The following JAK2 variants were observed in gnomAD, a reference collection of about 807,000 sequenced individuals.
JAK2 encodes the protein Janus kinase 2, also known as tyrosine-protein kinase JAK2.
A neutral mutation model predicts 139.3 loss-of-function variants in JAK2; 86 were observed. The ratio of observed to expected loss-of-function variants is 0.62; its 90% CI spans 0.52 to 0.74. The LOEUF (loss-of-function observed/expected upper bound fraction) is 0.74. Ranked by LOEUF, JAK2 falls within the 30% of genes least tolerant of loss-of-function variation. JAK2 has a pLI of 0.00. For missense variants in JAK2, 1,421 were observed against 1,360.3 expected (o/e 1.04, Z -0.70); for synonymous variants, 490 against 437.7 (o/e 1.12, Z -1.49).
chr9:5,090,457 C>G lies in JAK2; in HGVS notation c.2773C>G (p.Leu925Val). ...CTTTATGTTAAAAGGTCGGCGTAATCTAAAATTAATTATGGAATATTTACC... is the reference window on the plus strand; with the variant it reads ...CTTTATGTTAAAAGGTCGGCGTAATGTAAAATTAATTATGGAATATTTACC... ...GVCYSAGRRN[L>V]KLIMEYLPYG... The change falls in exon 21 of 25, where the codon CTA becomes GTA. Residue 925 changes from leucine (L) to valine (V), a missense_variant. Transcript: ENST00000381652. 2 of 1,559,948 alleles carry G rather than the reference C, an allele frequency of 1.3e-6. No individual in the cohort carries two copies. Among genetic ancestry groups the G allele is most frequent in the Non-Finnish European group, 1.7e-6 (2 of 1,151,394 alleles).
At chr9:5,095,933 T>G (rs1000540356) in intron 22 of JAK2, among the ~76,000 whole-genome samples, 1 of 152,154 alleles carries the variant, frequency 6.6e-6, no homozygotes, top group African/African-American at 2.4e-5. Context: ...TGAAACAAAT[T>G]AACATGATTA....
chr9:5,036,944 C>A (rs557994082), intron 4 of JAK2, among the ~76,000 whole-genome samples: 10 of 152,118 alleles, frequency 6.6e-5, no homozygotes, highest in African/African-American at 1.2e-4. Context: ...AATGGGAGAA[C>A]ATTTTTGTAA....
intron 22 of JAK2, among the ~76,000 whole-genome samples, chr9:5,105,289 T>A (rs1821861509): frequency 6.6e-6 from 1 of 152,152 alleles, no homozygotes; most frequent in African/African-American, 2.4e-5. Context: ...AGCCAAATCA[T>A]GAGTGAACTA....
rs1006741441 is a variant in JAK2 at position 5,041,242 on chromosome 9, G to A, written c.351-3161G>A. 6 of 1,464,506 alleles carry A rather than the reference G, an allele frequency of 4.1e-6. No homozygotes were observed. In the Admixed American group the frequency reaches 5.1e-5, roughly 13 times the overall value. 90.7% of individuals were successfully genotyped at this position (1,464,506 alleles called of 1,614,324 possible). ...TGGGGCGCCCGGGGACCAAGCGGCA[G>A]CACGCCATCCACATCATCGACCTCG... On this transcript the variant is annotated intron_variant, in intron 4 of 24. Coordinates refer to ENST00000381652, the MANE Select transcript of JAK2 (RefSeq NM_004972.4).
At position 5,127,323 on chromosome 9, in the gene JAK2, G is replaced by A. The variant is rs1179478078; in HGVS notation, c.*532G>A. 4.3e-6 allele frequency: 1 copy of A among 231,814 alleles called. No homozygotes were observed. Among genetic ancestry groups the A allele is most frequent in the Non-Finnish European group, 8.6e-6 (1 of 116,956 alleles). 14.4% of individuals were successfully genotyped at this position (231,814 alleles called of 1,614,324 possible). ...TTAAGATGTTCAGATAATTGAATAA[G>A]TACCTTTGTGTCCTTGTTCATTTAT... On this transcript the variant is annotated 3_prime_UTR_variant, in exon 25 of 25. Coordinates refer to ENST00000381652, the MANE Select transcript of JAK2 (RefSeq NM_004972.4).
At chr9:5,055,624 C>T in intron 7 of JAK2, 45 bp from the exon 8 acceptor site, 3 of 1,446,356 alleles carry the variant, frequency 2.1e-6, no homozygotes, top group South Asian at 1.2e-5. Flanking sequence ...TAAAATGGCT[C>T]TGTAAATTCT....
At chr9:5,094,402 A>T (rs1220274516) in intron 22 of JAK2, 2 of 152,154 alleles carry the variant, frequency 1.3e-5, no homozygotes, top group African/African-American at 4.8e-5. Flanking sequence ...AGCCACATCA[A>T]GCCTAGCAGT....
chr9:4,994,391 G>C (rs760792415), intron 2 of JAK2, among the ~76,000 whole-genome samples: 6 of 152,130 alleles, frequency 3.9e-5, no homozygotes, highest in Non-Finnish European at 7.4e-5. Context: ...ATTGCCGCTG[G>C]GCCCCACCCC....
At chr9:5,042,849 C>G (rs1816702534) in intron 4 of JAK2, among the ~76,000 whole-genome samples, 1 of 152,312 alleles carries the variant, frequency 6.6e-6, no homozygotes, top group Non-Finnish European at 1.5e-5. Flanking sequence ...AATGCTGCAC[C>G]AAAGCTCGGT....
chr9:5,126,145 G>C, intron 23 of JAK2, 188 bp from the exon 24 acceptor site: 2 of 482,818 alleles, frequency 4.1e-6, no homozygotes, highest in East Asian at 6.8e-5. Context: ...TATGGAAATG[G>C]AAATTATAGA....
intron 8 of JAK2, among the ~76,000 whole-genome samples, chr9:5,064,523 C>G: frequency 7.0e-6 from 1 of 143,368 alleles, no homozygotes; most frequent in South Asian, 2.2e-4. Flanking sequence ...GAGCAAGACT[C>G]TCAAAAAAAA....
chr9:5,126,641 C>A (rs1379526987), intron 24 of JAK2, 43 bp from the exon 25 acceptor site: 1 of 1,340,824 alleles, frequency 7.5e-7, no homozygotes, highest in Admixed American at 1.8e-5. Flanking sequence ...TAAAAGATGG[C>A]CCTTAGTGTT....
intron 2 of JAK2, among the ~76,000 whole-genome samples, chr9:5,002,117 T>C (rs905609511): frequency 6.6e-6 from 1 of 151,954 alleles, no homozygotes; most frequent in African/African-American, 2.4e-5. Flanking sequence ...TTAAATCTTT[T>C]CTAAAAACAA....
intron 22 of JAK2, chr9:5,107,960 CAAT>C (rs1233075806): frequency 6.6e-6 from 1 of 152,006 alleles, no homozygotes; most frequent in African/African-American, 2.4e-5. Context: ...ATGCTGTTAC[CAAT>C]AATATGATTC....
intron 22 of JAK2, chr9:5,112,217 G>A: frequency 3.6e-6 from 1 of 276,506 alleles, no homozygotes; most frequent in Non-Finnish European, 7.2e-6. Flanking sequence ...CTGCTGGTGG[G>A]GGCAGCACGC....
intron 22 of JAK2, among the ~76,000 whole-genome samples, chr9:5,115,550 T>G (rs996182059): frequency 6.6e-6 from 1 of 152,166 alleles, no homozygotes; most frequent in Non-Finnish European, 1.5e-5. Context: ...ACTGAGCAAT[T>G]CCATTACTGG....
intron 4 of JAK2, among the ~76,000 whole-genome samples, chr9:5,033,215 A>G (rs1284766414): frequency 2.0e-5 from 3 of 152,196 alleles, no homozygotes; most frequent in Non-Finnish European, 2.9e-5. Context: ...AAAAGGAAAC[A>G]AACAAAGCCT....
At chr9:5,081,698 A>C (rs1819711128) in intron 18 of JAK2, 27 bp from the exon 19 acceptor site, 4 of 1,519,070 alleles carry the variant, frequency 2.6e-6, no homozygotes, top group Non-Finnish European at 3.7e-6. Flanking sequence ...TGCTAATTTA[A>C]GGTGATAATA....
At chr9:5,124,979 T>C (rs2130859924) in intron 23 of JAK2, among the ~76,000 whole-genome samples, 1 of 151,614 alleles carries the variant, frequency 6.6e-6, no homozygotes, top group Non-Finnish European at 1.5e-5. Flanking sequence ...TAGTACAGTC[T>C]CTTAATATTA....
Sources: allele counts gnomAD v4.1 joint callset (sites outside exome capture counted in the v4.1 genomes callset), GRCh38; gene constraint gnomAD v4.1.1; transcripts MANE v1.5; gene names NCBI Gene and HGNC (gene_info 2026-07-23, HGNC 2026-07-21).